The following ZNF451 variants were observed in gnomAD, a reference collection of about 807,000 sequenced individuals.
ZNF451 encodes zinc finger protein 451.
A neutral mutation model predicts 107.1 loss-of-function variants in ZNF451; 80 were observed. The observed-to-expected ratio is 0.75, with a 90% confidence interval of 0.62 to 0.90. ZNF451 has a LOEUF of 0.90. ZNF451 is among the 40% of genes least tolerant of loss of function. ZNF451 has a pLI of 0.00. For synonymous variants in ZNF451, 362 were observed against 406.5 expected, an observed-to-expected ratio of 0.89 and a Z score of 1.32; for missense variants, 1,107 against 1,236.2, an observed-to-expected ratio of 0.90 and a Z score of 1.57.
At chr6:57,142,679 T>C (rs183027928) in intron 9 of ZNF451, among the ~76,000 whole-genome samples, 2 of 152,330 alleles carry the variant, frequency 1.3e-5, no homozygotes, top group Admixed American at 1.3e-4. Flanking sequence ...GGTCTTTTCA[T>C]GGTCATATGT....
chr6:57,129,651 A>G (rs1032125291), intron 5 of ZNF451, among the ~76,000 whole-genome samples: 4 of 152,306 alleles, frequency 2.6e-5, no homozygotes, highest in African/African-American at 9.6e-5. Context: ...TTATAAAAGA[A>G]TTCTAATAAT....
At chr6:57,168,299 T>C (rs973169472) in intron 14 of ZNF451, 124 bp from the exon 15 acceptor site, 1 of 630,482 alleles carries the variant, frequency 1.6e-6, no homozygotes, top group Non-Finnish European at 2.7e-6. Context: ...CAAGTTATCC[T>C]GTGTTTTTCC....
At chr6:57,113,068 G>T (rs1216189963) in intron 3 of ZNF451, among the ~76,000 whole-genome samples, 1 of 151,988 alleles carries the variant, frequency 6.6e-6, no homozygotes, top group Non-Finnish European at 1.5e-5. Context: ...TGTATCACGG[G>T]GGTTTGGGGT....
chr6:57,167,938 C>T (rs1320805288), intron 14 of ZNF451, among the ~76,000 whole-genome samples: 1 of 152,144 alleles, frequency 6.6e-6, no homozygotes, highest in Non-Finnish European at 1.5e-5. Flanking sequence ...AGTTTCACTA[C>T]CTTAGATGCT....
chr6:57,161,186 ACTGTAT>A (rs1562630844), intron 14 of ZNF451, 34 bp downstream of exon 14: 1 of 1,262,620 alleles, frequency 7.9e-7, no homozygotes. Flanking sequence ...TTTCTACTTG[ACTGTAT>A]CTGTATTTTT....
chr6:57,138,775 G>GTATA (rs1224868487), intron 7 of ZNF451, among the ~76,000 whole-genome samples: 1 of 106,244 alleles, frequency 9.4e-6, no homozygotes, highest in Non-Finnish European at 1.9e-5. Context: ...GTGTGTGTGT[G>GTATA]TATATATATA....
At chr6:57,101,136 A>G in intron 3 of ZNF451, 1 of 1,550,792 alleles carries the variant, frequency 6.4e-7, no homozygotes, top group Non-Finnish European at 8.7e-7. Flanking sequence ...CTGATTACAA[A>G]TCACCATCAG....
intron 3 of ZNF451, among the ~76,000 whole-genome samples, chr6:57,122,076 A>G (rs144470301): frequency 1.7e-3 from 265 of 152,286 alleles, no homozygotes; most frequent in African/African-American, 6.1e-3. Context: ...AAAGCAGCAC[A>G]GGCACAACCA....
At chr6:57,104,066 A>T (rs1829732410) in intron 3 of ZNF451, 6 of 984,716 alleles carry the variant, frequency 6.1e-6, no homozygotes, top group Non-Finnish European at 7.2e-6. Flanking sequence ...TAGCCCAGTC[A>T]TATCAAGAGT....
At chr6:57,132,354 A>T (rs188647137) in intron 5 of ZNF451, among the ~76,000 whole-genome samples, 11 of 152,292 alleles carry the variant, frequency 7.2e-5, no homozygotes, top group Non-Finnish European at 1.2e-4. Flanking sequence ...ATTTTCATAG[A>T]GCTCAGACCC....
intron 5 of ZNF451, among the ~76,000 whole-genome samples, chr6:57,131,817 C>A (rs1831190751): frequency 6.6e-6 from 1 of 152,048 alleles, no homozygotes; most frequent in African/African-American, 2.4e-5. Flanking sequence ...TGAAATTAGT[C>A]CACAAGAGAT....
chr6:57,093,965 TG>T (rs1270866746), intron 2 of ZNF451, among the ~76,000 whole-genome samples: 1 of 152,192 alleles, frequency 6.6e-6, no homozygotes, highest in Non-Finnish European at 1.5e-5. Context: ...CTTCTCTATA[TG>T]GGGGGAAAAA....
chr6:57,166,163 G>A (rs1763888071), intron 14 of ZNF451, among the ~76,000 whole-genome samples: 1 of 152,064 alleles, frequency 6.6e-6, no homozygotes, highest in Non-Finnish European at 1.5e-5. Context: ...AAGTAGCTGG[G>A]ATTATAGGCA....
intron 3 of ZNF451, chr6:57,107,698 CT>C: frequency 3.0e-6 from 3 of 985,306 alleles, no homozygotes; most frequent in Non-Finnish European, 3.6e-6. Flanking sequence ...TTTGTGGTAC[CT>C]TGTCAAGAAT....
intron 14 of ZNF451, among the ~76,000 whole-genome samples, chr6:57,166,888 G>A (rs1041236444): frequency 6.6e-6 from 1 of 152,170 alleles, no homozygotes; most frequent in African/African-American, 2.4e-5. Flanking sequence ...GACCACTGTT[G>A]TATATGTGAT....
intron 7 of ZNF451, among the ~76,000 whole-genome samples, chr6:57,138,698 C>T (rs1169120761): frequency 9.2e-6 from 1 of 108,818 alleles, no homozygotes; most frequent in Non-Finnish European, 1.8e-5. Flanking sequence ...GTATTTGCAG[C>T]TATGCCATAT....
At chr6:57,127,496 C>T (rs1426044416) in intron 4 of ZNF451, among the ~76,000 whole-genome samples, 2 of 152,156 alleles carry the variant, frequency 1.3e-5, no homozygotes, top group Admixed American at 1.3e-4. Flanking sequence ...AACCCTGTTA[C>T]ATTGATAACT....
chr6:57,133,175 C>A lies in ZNF451; in HGVS notation c.558C>A (p.Leu186=). Residue 186 remains leucine, a synonymous_variant, in exon 6 of 15, where the codon CTC becomes CTA. Coordinates refer to ENST00000370706, the MANE Select transcript of ZNF451 (RefSeq NM_001031623.3). ...CNKEFDNGHL[L]LGHLKRFDHS... is the part of the protein sequence containing the mutation. ...AGGAGTTTGACAATGGGCACCTTCT[C>A]TTAGGACATTTGAAAAGGTAAGTAG... 1 of 1,613,906 alleles carries A rather than the reference C, an allele frequency of 6.2e-7. No homozygotes were observed. Among genetic ancestry groups the A allele is most frequent in the Non-Finnish European group, 8.5e-7 (1 of 1,179,884 alleles).
At chr6:57,133,220 G>C (rs773827639) in intron 6 of ZNF451, 28 bp downstream of exon 6, 1 of 1,596,264 alleles carries the variant, frequency 6.3e-7, no homozygotes, top group Admixed American at 1.7e-5. Context: ...AATAGTGAAT[G>C]CTGAAGATCT....
Sources: gnomAD v4.1 joint callset for allele counts (sites outside exome capture counted in the v4.1 genomes callset) on GRCh38, gnomAD v4.1.1 for gene constraint, MANE v1.5 for transcripts, NCBI Gene and HGNC (gene_info 2026-07-23, HGNC 2026-07-21) for gene names.